The following MGAT4A variants were observed in gnomAD, a reference collection of about 807,000 sequenced individuals.
MGAT4A encodes the protein N-acetylglucosaminyltransferase IVa.
In MGAT4A, 33 loss-of-function variants were observed where a neutral mutation model predicts 74.1. That is an observed-to-expected ratio of 0.45 (90% CI 0.34 to 0.60). The LOEUF (loss-of-function observed/expected upper bound fraction) is 0.60, where lower values mean the gene tolerates loss of function less well. Ranked by LOEUF, MGAT4A falls within the 20% of genes least tolerant of loss-of-function variation. The pLI, the probability that MGAT4A is intolerant of heterozygous loss-of-function variation, is 0.02. For missense variants in MGAT4A, 479 were observed against 628.3 expected, an observed-to-expected ratio of 0.76 and a Z score of 2.54; for synonymous variants, 198 against 210.4, an observed-to-expected ratio of 0.94 and a Z score of 0.51.
intron 2 of MGAT4A, among the ~76,000 whole-genome samples, chr2:98,706,375 TTTTTA>T (rs1372481905): frequency 6.6e-6 from 1 of 151,778 alleles, no homozygotes; most frequent in Non-Finnish European, 1.5e-5. Context: ...GTGAGTTTTA[TTTTTA>T]TTTTTATTTT....
chr2:98,716,299 G>C (rs1255547760), intron 2 of MGAT4A, among the ~76,000 whole-genome samples: 4 of 152,186 alleles, frequency 2.6e-5, no homozygotes, highest in African/African-American at 9.7e-5. Context: ...GCTCCAGCCT[G>C]TGTGACAGAG....
In MGAT4A at chr2:98,645,446, A is replaced by G. The variant is rs754065104; in HGVS notation, c.871T>C (p.Ser291Pro). Residue 291 changes from serine (S) to proline (P), a missense_variant, in exon 9 of 16, where the codon TCC (serine) becomes CCC (proline). Transcript: ENST00000393487. ...SSEEWMILEF[S>P]QLGFIGKMFQ... ...TTCTTACCAATGAAGCCCAGCTGGG[A>G]AAACTCTAGAATCATCCATTCCTCA... 6.4e-7 allele frequency: 1 copy of G among 1,573,072 alleles called. No individual in the cohort carries two copies.
chr2:98,716,101 T>G (rs925072216), intron 2 of MGAT4A, among the ~76,000 whole-genome samples: 2 of 152,108 alleles, frequency 1.3e-5, no homozygotes, highest in African/African-American at 4.8e-5. Context: ...GGAGGATCAC[T>G]TGAGCCCAGG....
intron 12 of MGAT4A, among the ~76,000 whole-genome samples, chr2:98,638,206 T>C (rs1459484878): frequency 6.6e-6 from 1 of 152,208 alleles, no homozygotes; most frequent in Non-Finnish European, 1.5e-5. Context: ...TTTAATAGAT[T>C]TTTTGCAGAT....
intron 8 of MGAT4A, among the ~76,000 whole-genome samples, chr2:98,650,247 A>T (rs1438938240): frequency 6.6e-6 from 1 of 152,208 alleles, no homozygotes; most frequent in Non-Finnish European, 1.5e-5. Flanking sequence ...AAGAAAAAAG[A>T]ATAACAGAAA....
chr2:98,726,188 A>G (rs777315611), intron 2 of MGAT4A, 51 bp downstream of exon 2: 12 of 1,489,118 alleles, frequency 8.1e-6, no homozygotes. Context: ...ACCTTAACCA[A>G]GCAAAAACCC....
At chr2:98,666,878 T>C (rs1701839014) in intron 4 of MGAT4A, among the ~76,000 whole-genome samples, 1 of 152,166 alleles carries the variant, frequency 6.6e-6, no homozygotes, top group Non-Finnish European at 1.5e-5. Flanking sequence ...CGAGGGTTTT[T>C]GGTTTCCGTT....
At chr2:98,650,773 A>G (rs1413451403) in intron 8 of MGAT4A, among the ~76,000 whole-genome samples, 5 of 152,180 alleles carry the variant, frequency 3.3e-5, no homozygotes, top group African/African-American at 1.2e-4. Flanking sequence ...CAACGCGGTG[A>G]AACCCCATCT....
In MGAT4A at chr2:98,622,238, T is replaced by C. The variant is rs1701072183; in HGVS notation, c.*3328A>G. ...TTGTGGTTTCTAAGCTGTTCATAAT[T>C]AGCACTCTGGACACAGTACTGTTCA... On this transcript the variant is annotated 3_prime_UTR_variant, in exon 16 of 16. Coordinates refer to ENST00000393487, the MANE Select transcript of MGAT4A (RefSeq NM_012214.3). 2.2e-5 allele frequency: 22 copies of C among 985,466 alleles called. No individual in the cohort carries two copies. The highest frequency in any genetic ancestry group is 2.7e-5 in the Non-Finnish European group (22 of 829,944). The allele number at this position is 985,466 out of a possible 1,614,324, so 61.0% of individuals were successfully genotyped here. A position where few individuals can be genotyped will look rare whatever the true frequency, so the allele number is the denominator to read the frequency against.
At chr2:98,661,470 A>T (rs1701749338) in intron 5 of MGAT4A, among the ~76,000 whole-genome samples, 1 of 152,234 alleles carries the variant, frequency 6.6e-6, no homozygotes, top group Non-Finnish European at 1.5e-5. Flanking sequence ...GTATGTGTAT[A>T]TATAACTGAA....
At chr2:98,656,280 G>A (rs112192952) in intron 7 of MGAT4A, 72 bp downstream of exon 7, 39 of 1,099,194 alleles carry the variant, frequency 3.5e-5, no homozygotes, top group Non-Finnish European at 5.0e-5. Flanking sequence ...TTTCAGCTTC[G>A]ATAAATAAAA....
intron 10 of MGAT4A, among the ~76,000 whole-genome samples, chr2:98,642,141 A>G (rs1314207519): frequency 6.6e-6 from 1 of 152,198 alleles, no homozygotes; most frequent in Non-Finnish European, 1.5e-5. Context: ...TTCTTTGCAC[A>G]AATACTCAAG....
At chr2:98,626,222 A>G (rs571789980) in intron 14 of MGAT4A, among the ~76,000 whole-genome samples, 6 of 152,318 alleles carry the variant, frequency 3.9e-5, no homozygotes, top group Non-Finnish European at 8.8e-5. Flanking sequence ...TTAAGTCAAT[A>G]ACAAATTTTG....
chr2:98,634,369 T>TG (rs966663502), intron 14 of MGAT4A, among the ~76,000 whole-genome samples: 2 of 151,940 alleles, frequency 1.3e-5, no homozygotes, highest in African/African-American at 4.8e-5. Flanking sequence ...GCAGAGAAAA[T>TG]GGCTAGAGAT....
chr2:98,664,466 C>T (rs1451371613), intron 4 of MGAT4A, among the ~76,000 whole-genome samples: 2 of 152,110 alleles, frequency 1.3e-5, no homozygotes, highest in Non-Finnish European at 2.9e-5. Flanking sequence ...GAAAATTAAA[C>T]CGAACCATGT....
intron 8 of MGAT4A, among the ~76,000 whole-genome samples, chr2:98,650,677 G>A (rs1004503273): frequency 2.6e-5 from 4 of 152,248 alleles, no homozygotes; most frequent in African/African-American, 4.8e-5. Flanking sequence ...AAGGCCAGGC[G>A]CGGTGGCTCA....
intron 3 of MGAT4A, 55 bp downstream of exon 3, chr2:98,678,249 A>AAAAAAAAAAAAAAAAAAAAAATAT: frequency 3.9e-6 from 1 of 254,360 alleles, no homozygotes; most frequent in Non-Finnish European, 5.7e-6. Context: ...AAAAAAAAAA[A>AAAAAAAAAAAAAAAAAAAAAATAT]ATATATATAT....
chr2:98,621,320 T>C lies in MGAT4A; in HGVS notation c.*4246A>G. On this transcript the variant is annotated 3_prime_UTR_variant, in exon 16 of 16. Transcript: ENST00000393487. ...CCTATGAATGAGCTTATGGGCTGAA[T>C]TCAGTTCCCGTGGCTGTAGGACTGC... is the stretch of plus-strand genomic sequence containing the variant. 2.1e-6 allele frequency: 3 copies of C among 1,454,956 alleles called. No individual in the cohort carries two copies. Among genetic ancestry groups the C allele is most frequent in the Non-Finnish European group, 2.7e-6 (3 of 1,095,724 alleles). The allele number at this position is 1,454,956 out of a possible 1,614,324, so 90.1% of individuals were successfully genotyped here.
chr2:98,649,526 G>GTGTC (rs1701546723), intron 8 of MGAT4A, among the ~76,000 whole-genome samples: 1 of 152,152 alleles, frequency 6.6e-6, no homozygotes, highest in Admixed American at 6.5e-5. Flanking sequence ...CTAAATCATA[G>GTGTC]TGTCAGGAAC....
Sources: allele counts gnomAD v4.1 joint callset (sites outside exome capture counted in the v4.1 genomes callset), GRCh38; gene constraint gnomAD v4.1.1; transcripts MANE v1.5; gene names NCBI Gene and HGNC (gene_info 2026-07-23, HGNC 2026-07-21).